TNNT1: variants seen among roughly 807,000 people sequenced by gnomAD.
The protein encoded by TNNT1 is troponin T, slow skeletal muscle.
A neutral mutation model predicts 50.6 loss-of-function variants in TNNT1; 53 were observed. That is an observed-to-expected ratio of 1.05 (90% confidence interval 0.84 to 1.32). TNNT1 has a LOEUF of 1.32. TNNT1 is among the 40% of genes most tolerant of loss of function. The pLI is 0.00. For synonymous variants in TNNT1, 142 were observed against 138.0 expected, an observed-to-expected ratio of 1.03 and a Z score of -0.20; for missense variants, 348 against 381.7, an observed-to-expected ratio of 0.91 and a Z score of 0.74.
At chr19:55,142,330 C>T (rs932880919) in intron 6 of TNNT1, among the ~76,000 whole-genome samples, 5 of 151,382 alleles carry the variant, frequency 3.3e-5, no homozygotes, top group African/African-American at 1.2e-4. Context: ...ACTGTGTTAG[C>T]CAGGATGGTC....
In TNNT1 at chr19:55,147,032, G is replaced by A; in HGVS notation, c.33-11C>T. 6.2e-7 allele frequency: 1 copy of A among 1,612,510 alleles called. No individual in the cohort carries two copies. ...CCTTCCGGCTGCTCCCTGCGGACGGGTGTGGGGAGAGAGGAGGGAGGGGAG... is the reference window on the plus strand; with the variant it reads ...CCTTCCGGCTGCTCCCTGCGGACGGATGTGGGGAGAGAGGAGGGAGGGGAG... On this transcript the variant is annotated splice_polypyrimidine_tract_variant and intron_variant, in intron 2 of 13. Transcript: ENST00000588981.
chr19:55,149,104 C>A (rs1378512108), intron 1 of TNNT1, 57 bp downstream of exon 1: 5 of 454,904 alleles, frequency 1.1e-5, no homozygotes, highest in Non-Finnish European at 2.2e-5. Context: ...CTGCCTCCTG[C>A]CCCCTCCCCC....
chr19:55,137,985 G>C lies in TNNT1; in HGVS notation c.477C>G (p.Ala159=). Residue 159 remains alanine, a synonymous_variant, in exon 10 of 14, where the codon GCC becomes GCG. Coordinates refer to ENST00000588981, the MANE Select transcript of TNNT1 (RefSeq NM_003283.6). The stretch of plus-strand genomic sequence containing the variant: ...CCTTGACCAGGTAGCCGCCAAAATG[G>C]GCCCCCATGTTGGACAGCACCTTCT... ...KKKKVLSNMG[A]HFGGYLVKAE... The C allele has an allele frequency of 1.9e-6, 3 of 1,614,186 alleles. No homozygotes were observed. The highest frequency in any genetic ancestry group is 2.5e-6 in the Non-Finnish European group (3 of 1,180,038).
At chr19:55,142,693 G>A (rs1023034658) in intron 6 of TNNT1, among the ~76,000 whole-genome samples, 35 of 151,506 alleles carry the variant, frequency 2.3e-4, no homozygotes, top group Middle Eastern at 6.9e-3. Flanking sequence ...GATTACAGGC[G>A]CCTGCCACCA....
At chr19:55,133,950 C>T (rs745703831) in intron 12 of TNNT1, 23 bp from the exon 13 acceptor site, 1 of 1,609,506 alleles carries the variant, frequency 6.2e-7, no homozygotes, top group East Asian at 2.2e-5. Flanking sequence ...AAGACAGATG[C>T]TGGGACAGCC....
chr19:55,134,591 C>T (rs1272907970), intron 11 of TNNT1, among the ~76,000 whole-genome samples: 1 of 147,228 alleles, frequency 6.8e-6, no homozygotes, highest in Non-Finnish European at 1.5e-5. Context: ...GCAGAAGGAA[C>T]CTGGGAGGTC....
At chr19:55,138,807 TG>T (rs2085401620) in intron 9 of TNNT1, among the ~76,000 whole-genome samples, 2 of 152,256 alleles carry the variant, frequency 1.3e-5, no homozygotes, top group East Asian at 3.9e-4. Flanking sequence ...GACCAGGGAC[TG>T]GGGAGATTAA....
chr19:55,137,921 C>G (rs1350260240), intron 10 of TNNT1, 40 bp downstream of exon 10: 1 of 1,613,492 alleles, frequency 6.2e-7, no homozygotes, highest in Admixed American at 1.7e-5. Context: ...GCCCCTGCCC[C>G]CTCAGAACTC....
At chr19:55,137,782 A>G (rs950277316) in intron 10 of TNNT1, among the ~76,000 whole-genome samples, 179 bp downstream of exon 10, 1 of 125,204 alleles carries the variant, frequency 8.0e-6, no homozygotes, top group African/African-American at 3.2e-5. Context: ...CCTCCCTCAG[A>G]CCCAGGCGTC....
intron 1 of TNNT1, among the ~76,000 whole-genome samples, chr19:55,147,687 A>AGGGGCTGGAGGCTTGGC (rs2085601293): frequency 6.6e-5 from 3 of 45,434 alleles, no homozygotes; most frequent in Admixed American, 2.3e-4. Flanking sequence ...TGGGGTCTGG[A>AGGGGCTGGAGGCTTGGC]CTCCTGGATC....
Position 55,146,703 on chromosome 19 carries a change from C to A in TNNT1, c.51G>T (p.Glu17Asp), listed in dbSNP as rs755993405. ...QEYEEEQPEEEAAEEEEEAPE... is the reference protein window; with the variant it reads ...QEYEEEQPEEDAAEEEEEAPE... ...CACCTTCCTCCTCCTCCTCCGCAGC[C>A]TCCTCTGGAGATGGGGGCACAGAAG... The change falls in exon 4 of 14, where the codon GAG becomes GAT. Residue 17 changes from glutamate (E) to aspartate (D), a missense_variant. This residue lies in a region of TNNT1 where 90 missense variants were observed against 70.8 expected (regional missense o/e 1.27). Transcript: ENST00000588981. 5 of 1,505,678 alleles carry A rather than the reference C, an allele frequency of 3.3e-6. No homozygotes were observed. The highest frequency in any genetic ancestry group is 4.4e-6 in the Non-Finnish European group (5 of 1,125,278). 93.3% of individuals were successfully genotyped at this position (1,505,678 alleles called of 1,614,324 possible). A position where few individuals can be genotyped will look rare whatever the true frequency, so the allele number is the denominator to read the frequency against.
At chr19:55,137,061 C>T in intron 11 of TNNT1, 42 bp downstream of exon 11, 1 of 1,299,310 alleles carries the variant, frequency 7.7e-7, no homozygotes, top group South Asian at 1.2e-5. Flanking sequence ...CCCCCTGTCT[C>T]ACACCCAGGC....
At chr19:55,142,122 GGTTTT>G (rs1262592918) in intron 6 of TNNT1, 9 of 573,874 alleles carry the variant, frequency 1.6e-5, no homozygotes, top group African/African-American at 3.8e-5. Context: ...GGTTGTTGTT[GGTTTT>G]GTTTTGTTTT....
intron 9 of TNNT1, among the ~76,000 whole-genome samples, 156 bp from the exon 10 acceptor site, chr19:55,138,230 C>T (rs1044014441): frequency 5.3e-5 from 8 of 151,710 alleles, no homozygotes; most frequent in South Asian, 4.2e-4. Flanking sequence ...TACCCACTCC[C>T]GGCCCTGCCA....
At position 55,140,881 on chromosome 19, in the gene TNNT1, A is replaced by C; in HGVS notation, c.387+2T>G. 6.2e-7 allele frequency: 1 copy of C among 1,613,242 alleles called. No individual in the cohort carries two copies. Among genetic ancestry groups the C allele is most frequent in the Non-Finnish European group, 8.5e-7 (1 of 1,179,904 alleles). The stretch of plus-strand genomic sequence containing the variant: ...GGCTCTCAGGGCAGGGGAGGCACCC[A>C]CCGCCAGCTTAGCCTGACGTTCGCG... On this transcript the variant is annotated splice_donor_variant, in intron 9 of 13. Transcript: ENST00000588981. LOFTEE classifies it high-confidence loss of function.
chr19:55,141,069 G>A (rs977929816), intron 8 of TNNT1, 109 bp from the exon 9 acceptor site: 2 of 1,502,516 alleles, frequency 1.3e-6, no homozygotes, highest in African/African-American at 2.8e-5. Context: ...GGGTGAATTC[G>A]CGAAAGCCTA....
intron 11 of TNNT1, chr19:55,135,405 C>A: frequency 4.3e-6 from 1 of 232,354 alleles, no homozygotes; most frequent in South Asian, 3.5e-5. Context: ...TCCTTCTTTT[C>A]TTTCTTTTCT....
intron 6 of TNNT1, among the ~76,000 whole-genome samples, chr19:55,142,322 T>C (rs1051833796): frequency 2.6e-5 from 4 of 151,032 alleles, no homozygotes; most frequent in African/African-American, 7.3e-5. Context: ...GGGGCTTCAC[T>C]GTGTTAGCCA....
rs532659111 is a variant in TNNT1 at position 55,146,835 on chromosome 19, C to T, written c.47-128G>A. 16 of 1,170,480 alleles carry T rather than the reference C, an allele frequency of 1.4e-5. No homozygotes were observed. In the African/African-American group the frequency reaches 2.0e-4, roughly 15 times the overall value. 72.5% of individuals were successfully genotyped at this position (1,170,480 alleles called of 1,614,324 possible). A position where few individuals can be genotyped will look rare whatever the true frequency, so the allele number is the denominator to read the frequency against. On this transcript the variant is annotated intron_variant, in intron 3 of 13. Coordinates refer to ENST00000588981, the MANE Select transcript of TNNT1 (RefSeq NM_003283.6). ...TGGCCTCGGCTGCGATGGGCACGTT[C>T]CCCCTGGCGGTGCAGGGATGGCGCG...
Sources: allele counts gnomAD v4.1 joint callset (sites outside exome capture counted in the v4.1 genomes callset), GRCh38; gene constraint gnomAD v4.1.1; regional missense constraint gnomAD v4.1.1; transcripts MANE v1.5; gene names NCBI Gene and HGNC (gene_info 2026-07-23, HGNC 2026-07-21).